The following ITSN1 variants were observed in gnomAD, a reference collection of about 807,000 sequenced individuals.
The protein encoded by ITSN1 is intersectin-1.
A neutral mutation model predicts 239.8 loss-of-function variants in ITSN1; 58 were observed. That is an observed-to-expected ratio of 0.24 (90% confidence interval 0.20 to 0.30). The LOEUF (loss-of-function observed/expected upper bound fraction) is 0.30. Among genes scored for constraint, ITSN1 ranks in the 10% least tolerant of loss-of-function variants. The pLI, the probability that ITSN1 is intolerant of heterozygous loss-of-function variation, is 1.00. For missense variants in ITSN1, 1,558 were observed against 2,103.3 expected (o/e 0.74, Z 5.07); for synonymous variants, 780 against 770.8 (o/e 1.01, Z -0.20).
At chr21:33,775,216 T>G in intron 14 of ITSN1, 108 bp downstream of exon 14, 4 of 1,219,208 alleles carry the variant, frequency 3.3e-6, no homozygotes, top group Non-Finnish European at 4.5e-6. Flanking sequence ...TGTCTTGTAC[T>G]AGGCACTGGG....
intron 1 of ITSN1, among the ~76,000 whole-genome samples, chr21:33,655,657 G>A (rs2088993880): frequency 6.8e-6 from 1 of 147,096 alleles, no homozygotes; most frequent in Non-Finnish European, 1.5e-5. Flanking sequence ...GGTCTTGAAC[G>A]CCTGACCCAA....
chr21:33,752,706 G>C (rs1465032165), intron 7 of ITSN1, among the ~76,000 whole-genome samples: 1 of 151,888 alleles, frequency 6.6e-6, no homozygotes, highest in African/African-American at 2.4e-5. Flanking sequence ...GGCAACATAG[G>C]GAGACCTTGT....
intron 29 of ITSN1, among the ~76,000 whole-genome samples, chr21:33,850,777 C>T (rs974093391): frequency 5.9e-5 from 9 of 152,204 alleles, no homozygotes; most frequent in Admixed American, 2.0e-4. Context: ...TTTTCCTACA[C>T]GACAGGCCAC....
At position 33,865,331 on chromosome 21, in the gene ITSN1, C is replaced by A; in HGVS notation, c.4071C>A (p.Val1357=). ...AGGCCCCAGACTTCAAGGAGTTCGT[C>A]AAAGTAAGGAGCCAGGCTGTGCAGA... The part of the protein sequence containing the change: ...TDEAPDFKEF[V]KRLAMDPRCK... The change falls in exon 32 of 40, where the codon GTC becomes GTA. Residue 1357 remains valine (V), a synonymous_variant. Transcript: ENST00000381318. The surrounding 1 kb of genome is among the most constrained non-coding windows in gnomAD (Gnocchi z 4.4). 1 of 1,558,182 alleles carries A rather than the reference C, an allele frequency of 6.4e-7. No homozygotes were observed. Among genetic ancestry groups the A allele is most frequent in the South Asian group, 1.2e-5 (1 of 83,628 alleles).
chr21:33,787,924 C>G (rs1569180730), intron 16 of ITSN1, among the ~76,000 whole-genome samples: 2 of 152,178 alleles, frequency 1.3e-5, no homozygotes, highest in Admixed American at 6.5e-5. Flanking sequence ...TGCTCTAACT[C>G]TCATTCTGTC....
In ITSN1 at chr21:33,782,982, G is replaced by A. The variant is rs111697064; in HGVS notation, c.1824+849G>A. On this transcript the variant is annotated intron_variant, in intron 16 of 39. Coordinates refer to ENST00000381318, the MANE Select transcript of ITSN1 (RefSeq NM_003024.3). ...GGAGCTTGCAGTAAGCCAAGATCAC[G>A]CCACTGCACTCCAGCCTGGGTGACA... Among the ~76,000 whole-genome samples, 1,159 of 152,082 alleles carry A rather than the reference G, an allele frequency of 7.6e-3. 15 individuals are homozygous for A. The highest frequency in any genetic ancestry group is 0.027 in the African/African-American group (1,103 of 41,480).
At position 33,865,271 on chromosome 21, in the gene ITSN1, C is replaced by A. The variant is rs754047949; in HGVS notation, c.4011C>A (p.Leu1337=). Residue 1337 remains leucine, a synonymous_variant, in exon 32 of 40, where the codon CTC becomes CTA. Transcript: ENST00000381318. This position sits in a 1 kb window ranked among gnomAD's most constrained non-coding sequence, Gnocchi z 4.4. ...QPYIRFCSRQ[L]NGAALIQQKT... Reference sequence around the variant, plus strand: ...ACATCCGCTTCTGCAGCCGCCAGCTCAACGGGGCTGCCCTGATCCAGCAGA... The same window carrying A: ...ACATCCGCTTCTGCAGCCGCCAGCTAAACGGGGCTGCCCTGATCCAGCAGA... 1.2e-6 allele frequency: 2 copies of A among 1,606,176 alleles called. No homozygotes were observed. Among genetic ancestry groups the A allele is most frequent in the Non-Finnish European group, 1.7e-6 (2 of 1,176,692 alleles).
intron 1 of ITSN1, among the ~76,000 whole-genome samples, chr21:33,663,948 G>C (rs1418900957): frequency 6.6e-6 from 1 of 152,122 alleles, no homozygotes; most frequent in Non-Finnish European, 1.5e-5. Context: ...AGATTTTGTA[G>C]ACAGTGGGGG....
intron 1 of ITSN1, among the ~76,000 whole-genome samples, chr21:33,708,018 T>A (rs530900103): frequency 6.6e-6 from 1 of 151,972 alleles, no homozygotes; most frequent in East Asian, 1.9e-4. Context: ...GTAGAGCTGT[T>A]CCACATCCTC....
intron 33 of ITSN1, among the ~76,000 whole-genome samples, chr21:33,867,685 G>C (rs921949908): frequency 6.6e-6 from 1 of 152,066 alleles, no homozygotes; most frequent in African/African-American, 2.4e-5. Flanking sequence ...CGGAATTGGT[G>C]GGTTCTTGGT....
At chr21:33,804,639 A>T (rs976061219) in intron 20 of ITSN1, among the ~76,000 whole-genome samples, 6 of 152,178 alleles carry the variant, frequency 3.9e-5, no homozygotes, top group African/African-American at 1.4e-4. Flanking sequence ...CAATACTTGG[A>T]GGGTGAATTA....
chr21:33,767,557 G>C (rs2068811898), intron 10 of ITSN1, among the ~76,000 whole-genome samples, 156 bp from the exon 11 acceptor site: 1 of 152,184 alleles, frequency 6.6e-6, no homozygotes, highest in African/African-American at 2.4e-5. Flanking sequence ...AAAACTCTTT[G>C]TAAATAGAGA....
In ITSN1 at chr21:33,882,605, T is replaced by C; in HGVS notation, c.4554+150T>C. On this transcript the variant is annotated intron_variant, in intron 35 of 39. Transcript: ENST00000381318. This position sits in a 1 kb window ranked among gnomAD's most constrained non-coding sequence, Gnocchi z 4.5. ...GAAATGCGATTTAGGGTGTCCGGAG[T>C]GGAGGACGATCCATATCCCGCCGCA... The C allele has an allele frequency of 1.5e-6, 1 of 653,126 alleles. No homozygotes were observed. The highest frequency in any genetic ancestry group is 2.6e-6 in the Non-Finnish European group (1 of 381,764). The allele number at this position is 653,126 out of a possible 1,614,324, so 40.5% of individuals were successfully genotyped here.
chr21:33,658,194 A>G (rs1055592146), intron 1 of ITSN1, among the ~76,000 whole-genome samples: 6 of 152,198 alleles, frequency 3.9e-5, no homozygotes, highest in African/African-American at 1.2e-4. Flanking sequence ...CTATTCATTA[A>G]GTGGAAGTGG....
At chr21:33,736,329 A>G (rs997423460) in intron 5 of ITSN1, among the ~76,000 whole-genome samples, 6 of 152,234 alleles carry the variant, frequency 3.9e-5, no homozygotes, top group Non-Finnish European at 7.3e-5. Flanking sequence ...ATAAGCTAAG[A>G]TACAGAAATA....
intron 1 of ITSN1, among the ~76,000 whole-genome samples, chr21:33,693,193 A>T (rs2091628562): frequency 6.6e-6 from 1 of 152,184 alleles, no homozygotes; most frequent in Non-Finnish European, 1.5e-5. Flanking sequence ...ATGAAATCTG[A>T]CAATTTTTTA....
intron 29 of ITSN1, among the ~76,000 whole-genome samples, chr21:33,843,188 G>A (rs535277302): frequency 2.0e-5 from 3 of 152,182 alleles, no homozygotes; most frequent in South Asian, 2.1e-4. Flanking sequence ...ACAAGTCCTC[G>A]TTCTAGGCGT....
chr21:33,773,389 GCGC>G (rs2069331127), intron 12 of ITSN1, among the ~76,000 whole-genome samples: 1 of 152,074 alleles, frequency 6.6e-6, no homozygotes, highest in African/African-American at 2.4e-5. Context: ...CGTAAATTTA[GCGC>G]CATACCTGGA....
At chr21:33,670,151 C>T (rs372438085) in intron 1 of ITSN1, among the ~76,000 whole-genome samples, 3 of 152,244 alleles carry the variant, frequency 2.0e-5, no homozygotes, top group African/African-American at 7.2e-5. Flanking sequence ...CACTTGAGCC[C>T]AGGACCAGCT....
Sources: allele counts gnomAD v4.1 joint callset (sites outside exome capture counted in the v4.1 genomes callset), GRCh38; gene constraint gnomAD v4.1.1; non-coding constraint Gnocchi (gnomAD v3.1); transcripts MANE v1.5; gene names NCBI Gene and HGNC (gene_info 2026-07-23, HGNC 2026-07-21).